Variants in IKZF1 observed in about 807,000 individuals in gnomAD.
The protein encoded by IKZF1 is DNA-binding protein Ikaros.
A neutral mutation model predicts 51.7 loss-of-function variants in IKZF1; 10 were observed. That is an observed-to-expected ratio of 0.19 (90% confidence interval 0.12 to 0.33). The LOEUF is 0.33. Among genes scored for constraint, IKZF1 ranks in the 10% least tolerant of loss-of-function variants. The probability of loss-of-function intolerance (pLI) is 1.00; values close to 1 mark genes in which losing one functional copy is unlikely to be tolerated. For missense variants in IKZF1, 484 were observed against 707.5 expected (o/e 0.68, Z 3.58); for synonymous variants, 280 against 282.3 (o/e 0.99, Z 0.08).
At chr7:50,385,460 G>A (rs746189640) in intron 5 of IKZF1, among the ~76,000 whole-genome samples, 3 of 152,248 alleles carry the variant, frequency 2.0e-5, no homozygotes, top group Non-Finnish European at 4.4e-5. Context: ...GTCCGATGCT[G>A]ACAGCAAGAG....
intron 7 of IKZF1, chr7:50,394,268 A>C (rs1331500678): frequency 4.3e-6 from 1 of 232,898 alleles, no homozygotes; most frequent in African/African-American, 2.2e-5. Flanking sequence ...TTCCTGCCCT[A>C]AAATACCTAC....
intron 1 of IKZF1, among the ~76,000 whole-genome samples, chr7:50,306,533 C>T (rs369023972): frequency 1.9e-4 from 29 of 152,288 alleles, no homozygotes; most frequent in East Asian, 1.7e-3. Context: ...GCAATAATCA[C>T]CCACCCTCAG....
At chr7:50,396,992 G>A (rs1816883404) in intron 7 of IKZF1, among the ~76,000 whole-genome samples, 1 of 152,210 alleles carries the variant, frequency 6.6e-6, no homozygotes, top group Non-Finnish European at 1.5e-5. Context: ...ATGTTCATCT[G>A]ATTCTTGTCA....
chr7:50,368,757 T>C (rs561392982), intron 3 of IKZF1: 2 of 241,974 alleles, frequency 8.3e-6, no homozygotes, highest in African/African-American at 4.4e-5. Flanking sequence ...TGAAAATGTA[T>C]AGAGAGCTGA....
chr7:50,348,072 T>G (rs1584664353), intron 3 of IKZF1, among the ~76,000 whole-genome samples: 5 of 152,302 alleles, frequency 3.3e-5, no homozygotes, highest in Admixed American at 3.3e-4. Context: ...AGTATGCCCT[T>G]TATTTCAAAA....
At chr7:50,313,657 C>G (rs573339752) in intron 1 of IKZF1, among the ~76,000 whole-genome samples, 2 of 152,208 alleles carry the variant, frequency 1.3e-5, no homozygotes, top group African/African-American at 2.4e-5. Context: ...GGTTGATTAG[C>G]TGTGTGACCT....
chr7:50,327,972 C>A (rs775260558), intron 3 of IKZF1: 141 of 535,086 alleles, frequency 2.6e-4, no homozygotes, highest in Non-Finnish European at 7.4e-5. Flanking sequence ...AGCCACACAC[C>A]CCGCAAAATG....
intron 3 of IKZF1, among the ~76,000 whole-genome samples, chr7:50,336,653 C>A (rs1012012020): frequency 6.6e-6 from 1 of 152,194 alleles, no homozygotes; most frequent in South Asian, 2.1e-4. Flanking sequence ...TCAGCAGCCC[C>A]GTGGTGTTTG....
At chr7:50,338,947 G>A (rs1798412873) in intron 3 of IKZF1, among the ~76,000 whole-genome samples, 1 of 152,242 alleles carries the variant, frequency 6.6e-6, no homozygotes, top group Non-Finnish European at 1.5e-5. Flanking sequence ...AACTCAGAAA[G>A]CATGCTCCGG....
rs369941285 is a variant in IKZF1 at position 50,327,678 on chromosome 7, C to T, written c.81C>T (p.Gly27=). 39 of 1,613,340 alleles carry T rather than the reference C, an allele frequency of 2.4e-5. No individual in the cohort carries two copies. The African/African-American group carries it at 3.3e-4, about 14-fold the overall frequency. Reference sequence around the variant, plus strand: ...CTGTAAGCGATACTCCAGATGAGGGCGATGAGCCCATGCCGATCCCCGAGG... The same window carrying T: ...CTGTAAGCGATACTCCAGATGAGGGTGATGAGCCCATGCCGATCCCCGAGG... ...SPPVSDTPDE[G]DEPMPIPEDL... is the part of the protein sequence containing the mutation. Residue 27 remains glycine (G), a synonymous_variant, in exon 3 of 8, where the codon GGC becomes GGT. Coordinates refer to ENST00000331340, the MANE Select transcript of IKZF1 (RefSeq NM_006060.6).
intron 3 of IKZF1, among the ~76,000 whole-genome samples, chr7:50,329,380 C>T (rs918745173): frequency 3.9e-5 from 6 of 152,116 alleles, no homozygotes; most frequent in Admixed American, 2.6e-4. Flanking sequence ...TATATCATTT[C>T]AGGGTTTTCC....
chr7:50,328,415 C>G (rs767083884), intron 3 of IKZF1: 9 of 152,174 alleles, frequency 5.9e-5, no homozygotes, highest in Non-Finnish European at 1.2e-4. Context: ...GTGAATTAAC[C>G]AAGGTGAAAT....
intron 3 of IKZF1, chr7:50,368,028 T>C (rs1807477317): frequency 1.4e-6 from 1 of 701,776 alleles, no homozygotes. Context: ...CTGATGACTT[T>C]AGGGATTTCC....
At chr7:50,393,191 G>A (rs1426901609) in intron 7 of IKZF1, among the ~76,000 whole-genome samples, 2 of 152,302 alleles carry the variant, frequency 1.3e-5, no homozygotes, top group Middle Eastern at 3.4e-3. Flanking sequence ...CATAGGGCTG[G>A]GGGCAGGGAT....
intron 3 of IKZF1, among the ~76,000 whole-genome samples, chr7:50,355,350 A>G (rs964547604): frequency 5.9e-5 from 9 of 152,146 alleles, no homozygotes; most frequent in Admixed American, 5.9e-4. Flanking sequence ...TCAGTGAGCT[A>G]TTGAGGGGTT....
At chr7:50,334,013 T>C (rs1014859207) in intron 3 of IKZF1, among the ~76,000 whole-genome samples, 1 of 152,252 alleles carries the variant, frequency 6.6e-6, no homozygotes, top group African/African-American at 2.4e-5. Flanking sequence ...CCATGTTTGA[T>C]AAGAGAGGCC....
intron 3 of IKZF1, among the ~76,000 whole-genome samples, chr7:50,336,636 G>C (rs1489337783): frequency 2.0e-5 from 3 of 152,204 alleles, no homozygotes; most frequent in Non-Finnish European, 4.4e-5. Flanking sequence ...GGGCAGAGAA[G>C]GGCATCTCAG....
chr7:50,357,446 T>A (rs1409913857), intron 3 of IKZF1, among the ~76,000 whole-genome samples: 2 of 150,836 alleles, frequency 1.3e-5, no homozygotes, highest in Non-Finnish European at 2.9e-5. Context: ...ATGTCACCCT[T>A]CTGTGACTTC....
At chr7:50,344,658 A>C (rs1799907789) in intron 3 of IKZF1, among the ~76,000 whole-genome samples, 1 of 152,222 alleles carries the variant, frequency 6.6e-6, no homozygotes, top group African/African-American at 2.4e-5. Context: ...CCTTGCAGGC[A>C]GGTACTACAT....
Sources: allele counts gnomAD v4.1 joint callset (sites outside exome capture counted in the v4.1 genomes callset), GRCh38; gene constraint gnomAD v4.1.1; transcripts MANE v1.5; gene names NCBI Gene and HGNC (gene_info 2026-07-23, HGNC 2026-07-21).